NUPR1: variants seen among roughly 807,000 people sequenced by gnomAD.
NUPR1 encodes nuclear protein 1, transcriptional regulator.
NUPR1 carries 8 observed loss-of-function variants against 7.3 expected under a neutral mutation model. The ratio of observed to expected loss-of-function variants is 1.09; its 90% CI spans 0.64 to 1.97. The LOEUF is 1.97. NUPR1 is among the 30% of genes most tolerant of loss of function. NUPR1 has a pLI of 0.00. For synonymous variants in NUPR1, 39 were observed against 44.5 expected, an observed-to-expected ratio of 0.88 and a Z score of 0.49; for missense variants, 96 against 111.7, an observed-to-expected ratio of 0.86 and a Z score of 0.63.
chr16:28,538,101 C>T lies in NUPR1; in HGVS notation c.167G>A (p.Arg56His), dbSNP rs774133623. The T allele has an allele frequency of 1.1e-5, 18 of 1,614,158 alleles. No homozygotes were observed. Among genetic ancestry groups the T allele is most frequent in the East Asian group, 4.5e-5 (2 of 44,878 alleles). ...TKREAAANTN[R>H]PSPGGHERKL... The stretch of plus-strand genomic sequence containing the variant: ...CCTCTCGTGCCCGCCAGGGCTGGGG[C>T]GGTTGGTGTTGGCAGCAGCTTCTCT... Residue 56 changes from arginine to histidine, a missense_variant, in exon 2 of 3, where the codon CGC becomes CAC. Coordinates refer to ENST00000324873, the MANE Select transcript of NUPR1 (RefSeq NM_012385.3).
chr16:28,535,572 C>CTTCTTTCTTTCTTTTCTTTCTTTCTTTCT lies in NUPR1; in HGVS notation c.*2110_*2111insAGAAAGAAAGAAAGAAAAGAAAGAAAGAA, dbSNP rs1491235596. On this transcript the variant is annotated 3_prime_UTR_variant, in exon 3 of 3. Transcript: ENST00000324873. ...CTTTCTTTCTTTCTTTCCTTCCTTC[C>CTTCTTTCTTTCTTTTCTTTCTTTCTTTCT]TTTCTTTCTTTCTTTCTTTCTTTCT... The CTTCTTTCTTTCTTTTCTTTCTTTCTTTCT allele has an allele frequency of 1.1e-4, 1 of 8,854 alleles. No homozygotes were observed. Among genetic ancestry groups the CTTCTTTCTTTCTTTTCTTTCTTTCTTTCT allele is most frequent in the African/African-American group, 1.5e-4 (1 of 6,494 alleles). 0.5% of individuals were successfully genotyped at this position (8,854 alleles called of 1,614,324 possible).
rs2046610550 is a variant in NUPR1 at position 28,535,573 on chromosome 16, T to TTTCTTTCCTTCC, written c.*2109_*2110insGGAAGGAAAGAA. The TTTCTTTCCTTCC allele has an allele frequency of 7.1e-5, 1 of 14,040 alleles. No homozygotes were observed. Among genetic ancestry groups the TTTCTTTCCTTCC allele is most frequent in the African/African-American group, 3.0e-4 (1 of 3,332 alleles). The allele number at this position is 14,040 out of a possible 1,614,324, so 0.9% of individuals were successfully genotyped here. ...TTTCTTTCTTTCTTTCCTTCCTTCCTTTCTTTCTTTCTTTCTTTCTTTCTT... is the reference window on the plus strand; with the variant it reads ...TTTCTTTCTTTCTTTCCTTCCTTCCTTTCTTTCCTTCCTTCTTTCTTTCTTTCTTTCTTTCTT... On this transcript the variant is annotated 3_prime_UTR_variant, in exon 3 of 3. Coordinates refer to ENST00000324873, the MANE Select transcript of NUPR1 (RefSeq NM_012385.3).
Position 28,535,978 on chromosome 16 carries a change from G to A in NUPR1, c.*1705C>T, listed in dbSNP as rs2046620836. 1 of 152,180 alleles carries A rather than the reference G, an allele frequency of 6.6e-6. No homozygotes were observed. The highest frequency in any genetic ancestry group is 1.5e-5 in the Non-Finnish European group (1 of 68,122). 9.4% of individuals were successfully genotyped at this position (152,180 alleles called of 1,614,324 possible). On this transcript the variant is annotated 3_prime_UTR_variant, in exon 3 of 3. Coordinates refer to ENST00000324873, the MANE Select transcript of NUPR1 (RefSeq NM_012385.3). ...CTCCCTCCTTGGCCTCCCAAAGGCT[G>A]GAAGGCTGAGGTGGGCAGATCATTT...
At position 28,538,159 on chromosome 16, in the gene NUPR1, T is replaced by G. The variant is rs780793494; in HGVS notation, c.113-4A>C. 1.2e-6 allele frequency: 2 copies of G among 1,614,136 alleles called. No individual in the cohort carries two copies. The highest frequency in any genetic ancestry group is 2.2e-5 in the South Asian group (2 of 91,080). On this transcript the variant is annotated splice_region_variant and splice_polypyrimidine_tract_variant and intron_variant, in intron 1 of 2. Transcript: ENST00000324873. ...CGACCTTTCCGGCCTCCACCTCCTG[T>G]AACCAAGGCAGGAGTCAGAGGTGAA...
rs2046591480 is a variant in NUPR1, at chr16:28,533,034, G to A, written c.*4649C>T. 1 of 152,220 alleles carries A rather than the reference G, an allele frequency of 6.6e-6. No homozygotes were observed. The highest frequency in any genetic ancestry group is 2.4e-5 in the African/African-American group (1 of 41,440). The allele number at this position is 152,220 out of a possible 1,614,324, so 9.4% of individuals were successfully genotyped here. ...AGGATTTTCTGAAGCCAACACACCA[G>A]GTCTGTGCTGGGCTGAGGGCCGACT... On this transcript the variant is annotated 3_prime_UTR_variant, in exon 3 of 3. Transcript: ENST00000324873.
In NUPR1 at chr16:28,538,055, C is replaced by T. The variant is rs1248873815; in HGVS notation, c.213G>A (p.Gln71=). 1 of 1,614,178 alleles carries T rather than the reference C, an allele frequency of 6.2e-7. No homozygotes were observed. The highest frequency in any genetic ancestry group is 8.5e-7 in the Non-Finnish European group (1 of 1,180,040). ...GHERKLVTKL[Q]NSERKKRGAR... Reference sequence around the variant, plus strand: ...CCCCTCGCTTCTTCCTCTCTGAATTCTGCAGCTTGGTCACCAGTTTCCTCT... The same window carrying T: ...CCCCTCGCTTCTTCCTCTCTGAATTTTGCAGCTTGGTCACCAGTTTCCTCT... Residue 71 remains glutamine, a synonymous_variant, in exon 2 of 3, where the codon CAG becomes CAA. Transcript: ENST00000324873.
Position 28,535,519 on chromosome 16 carries a change from C to CTTTCTTTCTTTCTTTCTTTCTTTCTT in NUPR1, c.*2163_*2164insAAGAAAGAAAGAAAGAAAGAAAGAAA, listed in dbSNP as rs2046605769. On this transcript the variant is annotated 3_prime_UTR_variant, in exon 3 of 3. Coordinates refer to ENST00000324873, the MANE Select transcript of NUPR1 (RefSeq NM_012385.3). ...GGCTCGCTCTTTTCTTTCTTTCTTT[C>CTTTCTTTCTTTCTTTCTTTCTTTCTT]TTTCTTTCTTTCTTTCTTTCTTTCC... 1 of 69,856 alleles carries CTTTCTTTCTTTCTTTCTTTCTTTCTT rather than the reference C, an allele frequency of 1.4e-5. No individual in the cohort carries two copies. The highest frequency in any genetic ancestry group is 4.9e-5 in the African/African-American group (1 of 20,258). The allele number at this position is 69,856 out of a possible 1,614,324, so 4.3% of individuals were successfully genotyped here. A position where few individuals can be genotyped will look rare whatever the true frequency, so the allele number is the denominator to read the frequency against.
In NUPR1 at chr16:28,538,940, TCTC is replaced by T. The variant is rs371367417; in HGVS notation, c.-36_-34del. ...GGCTTGTCTTCCCTGCCTCTCTTCT[TCTC>T]CTAACGCTTTGTCTGTCTCTGCTTT... On this transcript the variant is annotated 5_prime_UTR_variant, in exon 1 of 3. Transcript: ENST00000324873. The T allele has an allele frequency of 1.9e-6, 3 of 1,565,542 alleles. No homozygotes were observed. Among genetic ancestry groups the T allele is most frequent in the Non-Finnish European group, 2.6e-6 (3 of 1,141,484 alleles).
rs1339531814 is a variant in NUPR1, at chr16:28,533,656, C to G, written c.*4027G>C. Reference sequence around the variant, plus strand: ...AAAGTGCTGGGATTGCAGGTATGAGCTTCTGCACGCAGCCATCAGGGAGGA... The same window carrying G: ...AAAGTGCTGGGATTGCAGGTATGAGGTTCTGCACGCAGCCATCAGGGAGGA... On this transcript the variant is annotated 3_prime_UTR_variant, in exon 3 of 3. Transcript: ENST00000324873. 1 of 152,550 alleles carries G rather than the reference C, an allele frequency of 6.6e-6. No homozygotes were observed. Among genetic ancestry groups the G allele is most frequent in the Non-Finnish European group, 1.5e-5 (1 of 68,326 alleles). 9.4% of individuals were successfully genotyped at this position (152,550 alleles called of 1,614,324 possible).
At position 28,533,277 on chromosome 16, in the gene NUPR1, G is replaced by A. The variant is rs918672504; in HGVS notation, c.*4406C>T. On this transcript the variant is annotated 3_prime_UTR_variant, in exon 3 of 3. Coordinates refer to ENST00000324873, the MANE Select transcript of NUPR1 (RefSeq NM_012385.3). ...GAGGCAAAATCTGAAGGATTTCCAA[G>A]GTAGACTGTAAGATTCTGGGCCCAG... 2 of 151,234 alleles carry A rather than the reference G, an allele frequency of 1.3e-5. No individual in the cohort carries two copies. Among genetic ancestry groups the A allele is most frequent in the African/African-American group, 4.9e-5 (2 of 40,500 alleles). 9.4% of individuals were successfully genotyped at this position (151,234 alleles called of 1,614,324 possible).
Position 28,534,392 on chromosome 16 carries a change from G to C in NUPR1, c.*3291C>G, listed in dbSNP as rs190811875. On this transcript the variant is annotated 3_prime_UTR_variant, in exon 3 of 3. Coordinates refer to ENST00000324873, the MANE Select transcript of NUPR1 (RefSeq NM_012385.3). ...CTGTTCCTGCTCTATCAGGTACTTC[G>C]GTCTTCTGTGGATGTCCTTGGGTCC... is the stretch of plus-strand genomic sequence containing the variant. 1 of 152,338 alleles carries C rather than the reference G, an allele frequency of 6.6e-6. No homozygotes were observed. Among genetic ancestry groups the C allele is most frequent in the Non-Finnish European group, 1.5e-5 (1 of 68,076 alleles). 9.4% of individuals were successfully genotyped at this position (152,338 alleles called of 1,614,324 possible).
intron 2 of NUPR1, 68 bp downstream of exon 2, chr16:28,537,938 A>G (rs2046635391): frequency 1.3e-5 from 17 of 1,332,390 alleles, no homozygotes; most frequent in Non-Finnish European, 1.8e-5. Flanking sequence ...ACCCAATCAC[A>G]CACCTTCCGG....
At position 28,537,688 on chromosome 16, in the gene NUPR1, C is replaced by CAGGT. The variant is rs2046633776; in HGVS notation, c.*14-23_*14-20dup. On this transcript the variant is annotated intron_variant, in intron 2 of 2. Transcript: ENST00000324873. ...GCCTCATCTGGGGGGTGAGGAAAAG[C>CAGGT]AGGTGGTAAAAGGGACAGAGATCTG... The CAGGT allele has an allele frequency of 7.5e-6, 2 of 266,068 alleles. No individual in the cohort carries two copies. The highest frequency in any genetic ancestry group is 9.8e-5 in the Admixed American group (2 of 20,454). 16.5% of individuals were successfully genotyped at this position (266,068 alleles called of 1,614,324 possible). A position where few individuals can be genotyped will look rare whatever the true frequency, so the allele number is the denominator to read the frequency against.
At chr16:28,538,255 G>A (rs1399645930) in intron 1 of NUPR1, 100 bp from the exon 2 acceptor site, 5 of 1,548,836 alleles carry the variant, frequency 3.2e-6, no homozygotes, top group Non-Finnish European at 4.4e-6. Flanking sequence ...GATGGGAAGA[G>A]CAGGGAGAAG....
rs1463819923 is a variant in NUPR1, at chr16:28,535,588, CT to C, written c.*2094del. 2.1e-4 allele frequency: 4 copies of C among 19,468 alleles called. No homozygotes were observed. Among genetic ancestry groups the C allele is most frequent in the African/African-American group, 8.0e-4 (4 of 4,980 alleles). 1.2% of individuals were successfully genotyped at this position (19,468 alleles called of 1,614,324 possible). A position where few individuals can be genotyped will look rare whatever the true frequency, so the allele number is the denominator to read the frequency against. On this transcript the variant is annotated 3_prime_UTR_variant, in exon 3 of 3. Transcript: ENST00000324873. Reference sequence around the variant, plus strand: ...CCTTCCTTCCTTTCTTTCTTTCTTTCTTTCTTTCTTTCTTTCTTTCTTTCTT... The same window carrying C: ...CCTTCCTTCCTTTCTTTCTTTCTTTCTTCTTTCTTTCTTTCTTTCTTTCTT...
chr16:28,538,677 C>CA lies in NUPR1; in HGVS notation c.112+118dup, dbSNP rs201601002. The CA allele has an allele frequency of 4.0e-3, 3,312 of 822,850 alleles. 12 individuals are homozygous for CA. The highest frequency in any genetic ancestry group is 5.2e-3 in the Non-Finnish European group (2,587 of 498,824). The allele number at this position is 822,850 out of a possible 1,614,324, so 51.0% of individuals were successfully genotyped here. A position where few individuals can be genotyped will look rare whatever the true frequency, so the allele number is the denominator to read the frequency against. ...AGCCTGGGTGACAGAGTGACTCTCT[C>CA]AAAAAAAAAGAAAGAAAGAAACGAA... On this transcript the variant is annotated intron_variant, in intron 1 of 2. Coordinates refer to ENST00000324873, the MANE Select transcript of NUPR1 (RefSeq NM_012385.3).
At position 28,538,125 on chromosome 16, in the gene NUPR1, C is replaced by T. The variant is rs754007718; in HGVS notation, c.143G>A (p.Arg48Lys). The T allele has an allele frequency of 6.2e-6, 10 of 1,614,096 alleles. No homozygotes were observed. The African/African-American group carries it at 8.0e-5, about 13-fold the overall frequency. The change falls in exon 2 of 3, where the codon AGA becomes AAA. Residue 48 changes from arginine (R) to lysine (K), a missense_variant. By Grantham distance (26) the Arg-to-Lys change is conservative (BLOSUM62 2). Coordinates refer to ENST00000324873, the MANE Select transcript of NUPR1 (RefSeq NM_012385.3). Reference protein sequence around the residue: ...GGGGRKGRTKREAAANTNRPS... With the variant: ...GGGGRKGRTKKEAAANTNRPS... ...GCGGTTGGTGTTGGCAGCAGCTTCTCTCTTGGTGCGACCTTTCCGGCCTCC... is the reference window on the plus strand; with the variant it reads ...GCGGTTGGTGTTGGCAGCAGCTTCTTTCTTGGTGCGACCTTTCCGGCCTCC...
intron 1 of NUPR1, chr16:28,538,479 C>T: frequency 1.2e-5 from 7 of 566,562 alleles, no homozygotes; most frequent in East Asian, 3.1e-5. Flanking sequence ...TGCTTGAGCC[C>T]AGGAATTTGG....
At chr16:28,538,274 T>C (rs2046639489) in intron 1 of NUPR1, 119 bp from the exon 2 acceptor site, 2 of 1,468,522 alleles carry the variant, frequency 1.4e-6, no homozygotes, top group South Asian at 2.4e-5. Context: ...AGCCTGCTGC[T>C]TCCCCTCTGT....
Sources: allele counts gnomAD v4.1 joint callset, GRCh38; gene constraint gnomAD v4.1.1; transcripts MANE v1.5; gene names NCBI Gene and HGNC (gene_info 2026-07-23, HGNC 2026-07-21).